CELF2: variants seen among roughly 807,000 people sequenced by gnomAD.
CELF2 encodes CUGBP Elav-like family member 2.
CELF2 carries 8 observed loss-of-function variants against 62.6 expected under a neutral mutation model. That is an observed-to-expected ratio of 0.13 (90% CI 0.07 to 0.23). CELF2 has a LOEUF of 0.23. CELF2 is among the 10% of genes least tolerant of loss of function. CELF2 has a pLI of 1.00. For missense variants in CELF2, 333 were observed against 671.0 expected, an observed-to-expected ratio of 0.50 and a Z score of 5.56; for synonymous variants, 258 against 250.0, an observed-to-expected ratio of 1.03 and a Z score of -0.30.
At chr10:10,814,469 T>C (rs909955798) in intron 1 of CELF2, among the ~76,000 whole-genome samples, 2 of 152,208 alleles carry the variant, frequency 1.3e-5, no homozygotes, top group African/African-American at 4.8e-5. Context: ...GCTTGGATGC[T>C]AGATTGAATG....
the CELF2 span, among the ~76,000 whole-genome samples, chr10:10,690,795 A>G: frequency 6.6e-6 from 1 of 152,074 alleles, no homozygotes; most frequent in Non-Finnish European, 1.5e-5. Flanking sequence ...CATGAGAATC[A>G]CTTGAACTGG....
intron 1 of CELF2, among the ~76,000 whole-genome samples, chr10:10,896,311 C>A (rs1345773207): frequency 6.6e-6 from 1 of 151,856 alleles, no homozygotes; most frequent in Non-Finnish European, 1.5e-5. Flanking sequence ...TGAGCAAGAT[C>A]CAATTATATG....
Position 11,328,927 on chromosome 10 carries a change from T to G in CELF2, c.1440T>G (p.Gly480=). 1 of 1,610,096 alleles carries G rather than the reference T, an allele frequency of 6.2e-7. No homozygotes were observed. The highest frequency in any genetic ancestry group is 1.1e-5 in the South Asian group (1 of 90,818). ...ACTCCCTCTCTCGGTATTTTCCAGG[T>G]TTTGTTAGCTACGACAATCCAGTCT... ...DKQTNLSKCF[G]FVSYDNPVSA... is the part of the protein sequence containing the mutation. Residue 480 remains glycine (G), a splice_region_variant and synonymous_variant, in exon 13 of 13, where the codon GGT becomes GGG. Coordinates refer to ENST00000633077, the MANE Select transcript of CELF2 (RefSeq NM_001326342.2). The surrounding 1 kb of genome is among the most constrained non-coding windows in gnomAD (Gnocchi z 6.4).
chr10:11,187,925 C>T (rs570061475), intron 2 of CELF2, among the ~76,000 whole-genome samples: 3 of 152,156 alleles, frequency 2.0e-5, no homozygotes, highest in Non-Finnish European at 4.4e-5. Flanking sequence ...GTAGTTAATA[C>T]TTCCGTGCTC....
At chr10:10,910,118 C>T (rs959488404) in intron 1 of CELF2, among the ~76,000 whole-genome samples, 1 of 152,066 alleles carries the variant, frequency 6.6e-6, no homozygotes, top group Admixed American at 6.5e-5. Flanking sequence ...GATATTATGT[C>T]CCTGGGAACT....
chr10:10,926,955 A>G (rs2065533482), intron 2 of CELF2: 1 of 152,166 alleles, frequency 6.6e-6, no homozygotes, highest in African/African-American at 2.4e-5. Context: ...TCTTCATTGT[A>G]GAGACATCAA....
chr10:11,313,490 A>G (rs1480249151), intron 9 of CELF2, among the ~76,000 whole-genome samples: 1 of 152,252 alleles, frequency 6.6e-6, no homozygotes, highest in African/African-American at 2.4e-5. Flanking sequence ...GAAAGCAGCA[A>G]CTTAGTAAAA....
chr10:11,007,949 C>T (rs1359198394), intron 1 of CELF2, among the ~76,000 whole-genome samples: 1 of 152,180 alleles, frequency 6.6e-6, no homozygotes, highest in East Asian at 1.9e-4. Context: ...TCTCTTCTCA[C>T]TTTGTTTGCT....
chr10:11,083,001 A>G (rs1002136714), intron 1 of CELF2, among the ~76,000 whole-genome samples: 1 of 152,194 alleles, frequency 6.6e-6, no homozygotes, highest in African/African-American at 2.4e-5. Flanking sequence ...AAAAAATTCC[A>G]TTCATATAAG....
chr10:11,027,056 A>G (rs930302723), intron 1 of CELF2, among the ~76,000 whole-genome samples: 4 of 152,116 alleles, frequency 2.6e-5, no homozygotes, highest in South Asian at 2.1e-4. Flanking sequence ...TCCAACTGCA[A>G]TTAGTCACTT....
chr10:10,989,124 T>TA (rs768748107), intron 2 of CELF2, among the ~76,000 whole-genome samples: 3 of 152,194 alleles, frequency 2.0e-5, no homozygotes, highest in Non-Finnish European at 4.4e-5. Context: ...TGAGTAAATT[T>TA]AGAGTTAGCC....
chr10:10,778,246 C>G, the CELF2 span, among the ~76,000 whole-genome samples: 1 of 152,150 alleles, frequency 6.6e-6, no homozygotes, highest in Non-Finnish European at 1.5e-5. Flanking sequence ...AGAGAGGGAC[C>G]TTTACAACCT....
chr10:10,646,116 A>C, the CELF2 span, among the ~76,000 whole-genome samples: 2 of 152,190 alleles, frequency 1.3e-5, no homozygotes, highest in Admixed American at 6.5e-5. Context: ...GTTACTAGGC[A>C]TGTGTTGGTC....
the CELF2 span, among the ~76,000 whole-genome samples, chr10:10,490,160 T>C: frequency 2.6e-5 from 4 of 152,158 alleles, no homozygotes; most frequent in African/African-American, 9.7e-5. Context: ...GTAACAGAAC[T>C]CTTTAGGCTT....
chr10:10,668,831 G>A, the CELF2 span, among the ~76,000 whole-genome samples: 7 of 152,048 alleles, frequency 4.6e-5, no homozygotes, highest in South Asian at 2.1e-4. Context: ...GGTGGTGTGC[G>A]CCTGTAATCC....
chr10:10,777,072 C>T, the CELF2 span, among the ~76,000 whole-genome samples: 2 of 152,200 alleles, frequency 1.3e-5, no homozygotes, highest in East Asian at 3.9e-4. Context: ...ATTGTGGCAT[C>T]TCTTGTGTGC....
Position 11,098,764 on chromosome 10 carries a change from T to C in CELF2, c.75-66722T>C, listed in dbSNP as rs1353991504. On this transcript the variant is annotated intron_variant, in intron 1 of 12. Transcript: ENST00000633077. The surrounding 1 kb of genome is among the most constrained non-coding windows in gnomAD (Gnocchi z 4.0). ...CTGCGGCCACTTTGTCCTTTATCTGTGTGGTTAATTTCTATGAACTGCTGG... is the reference window on the plus strand; with the variant it reads ...CTGCGGCCACTTTGTCCTTTATCTGCGTGGTTAATTTCTATGAACTGCTGG... Among the ~76,000 whole-genome samples, 3 of 152,210 alleles carry C rather than the reference T, an allele frequency of 2.0e-5. No individual in the cohort carries two copies. Among genetic ancestry groups the C allele is most frequent in the African/African-American group, 4.8e-5 (2 of 41,452 alleles).
chr10:11,314,731 A>T lies in CELF2; in HGVS notation c.1096+473A>T, dbSNP rs1316302565. 1 of 210,374 alleles carries T rather than the reference A, an allele frequency of 4.8e-6. No individual in the cohort carries two copies. Among genetic ancestry groups the T allele is most frequent in the African/African-American group, 2.3e-5 (1 of 42,928 alleles). 13.0% of individuals were successfully genotyped at this position (210,374 alleles called of 1,614,324 possible). ...ATTTGAGAATGGAAAGTTCTGGGTC[A>T]GATGATTCTTAAAGGTAGCCTCCAG... On this transcript the variant is annotated intron_variant, in intron 10 of 12. Coordinates refer to ENST00000633077, the MANE Select transcript of CELF2 (RefSeq NM_001326342.2). This position sits in a 1 kb window ranked among gnomAD's most constrained non-coding sequence, Gnocchi z 5.3.
chr10:11,134,822 T>C (rs1324861927), intron 1 of CELF2, among the ~76,000 whole-genome samples: 1 of 152,272 alleles, frequency 6.6e-6, no homozygotes, highest in East Asian at 1.9e-4. Flanking sequence ...TTCCTCCTGA[T>C]AGGAAGTGGC....
Sources: allele counts gnomAD v4.1 joint callset (sites outside exome capture counted in the v4.1 genomes callset), GRCh38; gene constraint gnomAD v4.1.1; non-coding constraint Gnocchi (gnomAD v3.1); transcripts MANE v1.5; gene names NCBI Gene and HGNC (gene_info 2026-07-23, HGNC 2026-07-21).